Variants in GCLC observed in about 807,000 individuals in gnomAD.
GCLC encodes the protein glutamate-cysteine ligase catalytic subunit.
A neutral mutation model predicts 81.5 loss-of-function variants in GCLC; 30 were observed. The ratio of observed to expected loss-of-function variants is 0.37; its 90% CI spans 0.28 to 0.50. The LOEUF (loss-of-function observed/expected upper bound fraction) is 0.50. Ranked by LOEUF, GCLC falls within the 20% of genes least tolerant of loss-of-function variation. The pLI is 0.96. For synonymous variants in GCLC, 262 were observed against 273.3 expected, an observed-to-expected ratio of 0.96 and a Z score of 0.41; for missense variants, 556 against 777.4, an observed-to-expected ratio of 0.72 and a Z score of 3.39.
At position 53,544,766 on chromosome 6, in the gene GCLC, T is replaced by C. The variant is rs918766273; in HGVS notation, c.-121A>G. On this transcript the variant is annotated 5_prime_UTR_variant, in exon 1 of 16. Transcript: ENST00000650454. ...GCCGCTCCACCCCGCGGGGGCGCTC[T>C]CGGGCCGCAGTCGGCGGAGGGAGGG... 2.0e-5 allele frequency: 20 copies of C among 998,104 alleles called. No individual in the cohort carries two copies. The African/African-American group carries it at 3.0e-4, about 15-fold the overall frequency. 61.8% of individuals were successfully genotyped at this position (998,104 alleles called of 1,614,324 possible).
chr6:53,514,827 C>A (rs1286795531), intron 4 of GCLC, among the ~76,000 whole-genome samples: 1 of 152,150 alleles, frequency 6.6e-6, no homozygotes, highest in Non-Finnish European at 1.5e-5. Flanking sequence ...GCAACATGTC[C>A]CAAATTAACT....
chr6:53,542,987 C>A (rs562609839), intron 1 of GCLC, among the ~76,000 whole-genome samples: 62 of 152,026 alleles, frequency 4.1e-4, no homozygotes, highest in African/African-American at 1.3e-3. Context: ...CCAGCCTGGG[C>A]GACAGAGCAA....
chr6:53,534,813 G>C (rs1581748562), intron 1 of GCLC, among the ~76,000 whole-genome samples: 1 of 152,194 alleles, frequency 6.6e-6, no homozygotes, highest in African/African-American at 2.4e-5. Flanking sequence ...TGGGAGAAAT[G>C]AAAGATGTAA....
rs188685606 is a variant in GCLC at position 53,540,691 on chromosome 6, A to G, written c.150+3805T>C. On this transcript the variant is annotated intron_variant, in intron 1 of 15. Transcript: ENST00000650454. ...GCCACACACACACACACACACACAC[A>G]CACACACACACACAAAAGTCCTGGT... is the stretch of plus-strand genomic sequence containing the variant. Among the ~76,000 whole-genome samples the G allele has an allele frequency of 1.9e-3, 287 of 151,360 alleles. 4 individuals are homozygous for G. Among genetic ancestry groups the G allele is most frequent in the Admixed American group, 0.017 (264 of 15,216 alleles).
intron 1 of GCLC, among the ~76,000 whole-genome samples, chr6:53,530,567 G>A (rs1437776996): frequency 6.6e-6 from 1 of 152,214 alleles, no homozygotes; most frequent in African/African-American, 2.4e-5. Context: ...GATTTTCATA[G>A]AAAGGGCTCG....
At chr6:53,535,125 G>C (rs1267043382) in intron 1 of GCLC, among the ~76,000 whole-genome samples, 1 of 152,244 alleles carries the variant, frequency 6.6e-6, no homozygotes, top group Admixed American at 6.5e-5. Flanking sequence ...GCACATGCCT[G>C]TAAGTCCCAG....
At chr6:53,514,665 T>C (rs1432187525) in intron 4 of GCLC, 168 bp from the exon 5 acceptor site, 7 of 696,626 alleles carry the variant, frequency 1.0e-5, no homozygotes, top group Non-Finnish European at 1.8e-5. Flanking sequence ...AAGGGAACTT[T>C]GTGATTAAAG....
rs1764610490 is a variant in GCLC, at chr6:53,506,172, A to G, written c.1198-277T>C. ...CTCCCAGCTACAGAGCAGCATCTGAAGAGCCACGGGGCCCCCACCTTCATC... is the reference window on the plus strand; with the variant it reads ...CTCCCAGCTACAGAGCAGCATCTGAGGAGCCACGGGGCCCCCACCTTCATC... On this transcript the variant is annotated intron_variant, in intron 10 of 15. Transcript: ENST00000650454. This position sits in a 1 kb window ranked among gnomAD's most constrained non-coding sequence, Gnocchi z 4.0. 1 of 395,518 alleles carries G rather than the reference A, an allele frequency of 2.5e-6. No individual in the cohort carries two copies. The highest frequency in any genetic ancestry group is 4.8e-6 in the Non-Finnish European group (1 of 210,078). 24.5% of individuals were successfully genotyped at this position (395,518 alleles called of 1,614,324 possible).
Position 53,544,556 on chromosome 6 carries a change from G to C in GCLC, c.90C>G (p.Phe30Leu). The C allele has an allele frequency of 1.2e-6, 2 of 1,608,366 alleles. No homozygotes were observed. Among genetic ancestry groups the C allele is most frequent in the South Asian group, 1.1e-5 (1 of 91,074 alleles). ...CCTTGACGGCGTGGTAGATGTGCAG[G>C]AACTGGAGGATCCCGTGCCGCCGCA... is the stretch of plus-strand genomic sequence containing the variant. ...DHVRRHGILQ[F>L]LHIYHAVKDR... The change falls in exon 1 of 16, where the codon TTC (phenylalanine) becomes TTG (leucine). Residue 30 changes from phenylalanine to leucine, a missense_variant. Physicochemically the swap from Phe to Leu is conservative, Grantham distance 22. This residue lies in a region of GCLC where 234 missense variants were observed against 303.8 expected (regional missense o/e 0.77). Coordinates refer to ENST00000650454, the MANE Select transcript of GCLC (RefSeq NM_001498.4).
intron 1 of GCLC, among the ~76,000 whole-genome samples, chr6:53,535,156 G>C (rs2127629859): frequency 6.6e-6 from 1 of 152,336 alleles, no homozygotes; most frequent in Non-Finnish European, 1.5e-5. Flanking sequence ...GGCTGGGGCA[G>C]AGGTTTGTTT....
chr6:53,513,368 C>T (rs1211476406), intron 6 of GCLC: 1 of 152,196 alleles, frequency 6.6e-6, no homozygotes, highest in Non-Finnish European at 1.5e-5. Context: ...GATAAAATTT[C>T]CTTGGACATT....
chr6:53,514,545 G>A (rs754645621), intron 4 of GCLC, 48 bp from the exon 5 acceptor site: 12 of 1,327,300 alleles, frequency 9.0e-6, no homozygotes, highest in Middle Eastern at 1.8e-4. Context: ...AAGAGTCATC[G>A]TGTAAAAGAA....
intron 3 of GCLC, among the ~76,000 whole-genome samples, chr6:53,517,256 T>TG (rs1561943915): frequency 1.1e-5 from 1 of 90,136 alleles, no homozygotes; most frequent in African/African-American, 4.3e-5. Context: ...CAAGTTTTTT[T>TG]TTTTTTTTTT....
chr6:53,544,687 C>G lies in GCLC; in HGVS notation c.-42G>C. The G allele has an allele frequency of 6.6e-7, 1 of 1,511,460 alleles. No individual in the cohort carries two copies. Among genetic ancestry groups the G allele is most frequent in the Non-Finnish European group, 8.9e-7 (1 of 1,127,766 alleles). 93.6% of individuals were successfully genotyped at this position (1,511,460 alleles called of 1,614,324 possible). Reference sequence around the variant, plus strand: ...TCCTCCTCCTCCTCCGGGCTGACGGCGGTCGCCCGCTCCGGGCGCGAGACG... The same window carrying G: ...TCCTCCTCCTCCTCCGGGCTGACGGGGGTCGCCCGCTCCGGGCGCGAGACG... On this transcript the variant is annotated 5_prime_UTR_variant, in exon 1 of 16. Coordinates refer to ENST00000650454, the MANE Select transcript of GCLC (RefSeq NM_001498.4).
At chr6:53,519,456 A>G (rs1277991590) in intron 3 of GCLC, among the ~76,000 whole-genome samples, 2 of 136,330 alleles carry the variant, frequency 1.5e-5, no homozygotes, top group African/African-American at 5.7e-5. Flanking sequence ...CTGGATACCT[A>G]GGTTGTACTC....
intron 6 of GCLC, chr6:53,510,136 G>A (rs1764708536): frequency 6.6e-6 from 1 of 152,536 alleles, no homozygotes; most frequent in Non-Finnish European, 1.5e-5. Context: ...ACTGAGAGTA[G>A]GGGATGGCTT....
At position 53,506,790 on chromosome 6, in the gene GCLC, C is replaced by T; in HGVS notation, c.1197+123G>A. The T allele has an allele frequency of 1.4e-6, 1 of 690,722 alleles. No individual in the cohort carries two copies. Among genetic ancestry groups the T allele is most frequent in the Middle Eastern group, 3.7e-4 (1 of 2,676 alleles). 42.8% of individuals were successfully genotyped at this position (690,722 alleles called of 1,614,324 possible). On this transcript the variant is annotated intron_variant, in intron 10 of 15. Coordinates refer to ENST00000650454, the MANE Select transcript of GCLC (RefSeq NM_001498.4). The surrounding 1 kb of genome is among the most constrained non-coding windows in gnomAD (Gnocchi z 4.0). Reference sequence around the variant, plus strand: ...AGTCTTATGAAATTTCTTTTGTGTTCTCCACAGGTACAGAAAACTGCCTCC... The same window carrying T: ...AGTCTTATGAAATTTCTTTTGTGTTTTCCACAGGTACAGAAAACTGCCTCC...
intron 9 of GCLC, 171 bp from the exon 10 acceptor site, chr6:53,507,196 A>G: frequency 1.5e-6 from 1 of 687,156 alleles, no homozygotes. Context: ...TCCTGCGGAC[A>G]CTGCGGGAGT....
At chr6:53,528,487 T>A (rs1763120109) in intron 1 of GCLC, among the ~76,000 whole-genome samples, 1 of 152,166 alleles carries the variant, frequency 6.6e-6, no homozygotes, top group Non-Finnish European at 1.5e-5. Flanking sequence ...ATATATATAT[T>A]TGATGACTGT....
Sources: allele counts gnomAD v4.1 joint callset (sites outside exome capture counted in the v4.1 genomes callset), GRCh38; gene constraint gnomAD v4.1.1; regional missense constraint gnomAD v4.1.1; non-coding constraint Gnocchi (gnomAD v3.1); transcripts MANE v1.5; gene names NCBI Gene and HGNC (gene_info 2026-07-23, HGNC 2026-07-21).